EDAR: variants seen among roughly 807,000 people sequenced by gnomAD.
EDAR encodes tumor necrosis factor receptor superfamily member EDAR.
Under a neutral mutation model 51.3 loss-of-function variants are expected in EDAR, and 38 were observed. The observed-to-expected ratio is 0.74, with a 90% CI of 0.57 to 0.97. The LOEUF (loss-of-function observed/expected upper bound fraction) is 0.97. Among genes scored for constraint, EDAR ranks in the 50% least tolerant of loss-of-function variants. The pLI, the probability that EDAR is intolerant of heterozygous loss-of-function variation, is 0.00. For synonymous variants in EDAR, 227 were observed against 242.1 expected (o/e 0.94, Z 0.58); for missense variants, 528 against 595.0 (o/e 0.89, Z 1.17).
At chr2:108,920,296 C>T (rs1697111308) in intron 5 of EDAR, among the ~76,000 whole-genome samples, 1 of 152,226 alleles carries the variant, frequency 6.6e-6, no homozygotes, top group East Asian at 1.9e-4. Context: ...CAGATGAGGA[C>T]ACTTTCCCAG....
At chr2:108,942,864 C>T (rs1267592181) in intron 1 of EDAR, among the ~76,000 whole-genome samples, 1 of 152,174 alleles carries the variant, frequency 6.6e-6, no homozygotes, top group African/African-American at 2.4e-5. Context: ...TAAGTTTGAG[C>T]GGGTAGGATT....
At chr2:108,943,171 G>T (rs1481913108) in intron 1 of EDAR, among the ~76,000 whole-genome samples, 2 of 152,132 alleles carry the variant, frequency 1.3e-5, no homozygotes, top group African/African-American at 2.4e-5. Flanking sequence ...GTTTGAAAGA[G>T]AATTCGTTTC....
chr2:108,931,094 C>A, intron 1 of EDAR, 62 bp from the exon 2 acceptor site: 1 of 1,414,448 alleles, frequency 7.1e-7, no homozygotes, highest in Non-Finnish European at 1.0e-6. Context: ...GGTCTGGCTA[C>A]CTTTATTTAA....
intron 1 of EDAR, among the ~76,000 whole-genome samples, chr2:108,968,216 C>T (rs145956890): frequency 7.4e-4 from 112 of 152,224 alleles, no homozygotes; most frequent in Non-Finnish European, 1.3e-3. Context: ...GCATCAGCAT[C>T]GCCAGAGAGC....
chr2:108,962,456 G>A (rs796071606), intron 1 of EDAR, among the ~76,000 whole-genome samples: 6 of 152,144 alleles, frequency 3.9e-5, no homozygotes, highest in African/African-American at 1.4e-4. Context: ...GGTGGATCAT[G>A]AGGTCAGGAG....
chr2:108,930,938 G>C, intron 2 of EDAR, 26 bp downstream of exon 2: 11 of 1,613,262 alleles, frequency 6.8e-6, no homozygotes, highest in Non-Finnish European at 9.3e-6. Context: ...AGGGTGCTGT[G>C]GGGGTAAGGG....
chr2:108,982,486 A>G (rs912447287), intron 1 of EDAR, among the ~76,000 whole-genome samples: 7 of 152,258 alleles, frequency 4.6e-5, no homozygotes, highest in Admixed American at 3.3e-4. Flanking sequence ...TGTAAACATA[A>G]GGAGGAGCTC....
chr2:108,947,422 C>T (rs900003273), intron 1 of EDAR, among the ~76,000 whole-genome samples: 8 of 152,154 alleles, frequency 5.3e-5, no homozygotes, highest in African/African-American at 1.7e-4. Flanking sequence ...TAGGCAGTGC[C>T]CCAGTGGGGA....
At chr2:108,956,448 T>C (rs1697927866) in intron 1 of EDAR, among the ~76,000 whole-genome samples, 1 of 152,210 alleles carries the variant, frequency 6.6e-6, no homozygotes, top group South Asian at 2.1e-4. Flanking sequence ...CTCCATGTCC[T>C]CCACTAGCAC....
chr2:108,925,395 G>A (rs963896343), intron 4 of EDAR, among the ~76,000 whole-genome samples: 1 of 152,194 alleles, frequency 6.6e-6, no homozygotes, highest in Non-Finnish European at 1.5e-5. Flanking sequence ...AAGGCTACAC[G>A]GCGGATGCAC....
chr2:108,913,083 G>C (rs578262400), intron 5 of EDAR, among the ~76,000 whole-genome samples: 1 of 151,638 alleles, frequency 6.6e-6, no homozygotes, highest in African/African-American at 2.4e-5. Flanking sequence ...CAAGTAACTG[G>C]GACTACAGGC....
intron 1 of EDAR, among the ~76,000 whole-genome samples, chr2:108,944,455 C>T (rs1165865227): frequency 6.6e-6 from 1 of 152,234 alleles, no homozygotes; most frequent in Non-Finnish European, 1.5e-5. Flanking sequence ...AATAGTTTGA[C>T]TATGGCTGCG....
At chr2:108,935,039 G>A (rs1345829458) in intron 1 of EDAR, among the ~76,000 whole-genome samples, 1 of 152,188 alleles carries the variant, frequency 6.6e-6, no homozygotes, top group African/African-American at 2.4e-5. Flanking sequence ...TCACCTGTTG[G>A]TTACCTAGTG....
At chr2:108,939,916 T>C (rs865882013) in intron 1 of EDAR, among the ~76,000 whole-genome samples, 5 of 152,200 alleles carry the variant, frequency 3.3e-5, no homozygotes, top group African/African-American at 7.2e-5. Context: ...AAAGTATTTG[T>C]GGTGTGATGG....
chr2:108,895,194 G>C lies in EDAR; in HGVS notation c.*1713C>G, dbSNP rs1307431830. The stretch of plus-strand genomic sequence containing the variant: ...TATTAAATATTCAGGACCTCATTAT[G>C]ATCCTCTCACAGTATGTACTACATT... On this transcript the variant is annotated 3_prime_UTR_variant, in exon 12 of 12. Transcript: ENST00000258443. 6.6e-6 allele frequency: 1 copy of C among 152,618 alleles called. No homozygotes were observed. Among genetic ancestry groups the C allele is most frequent in the East Asian group, 1.9e-4 (1 of 5,190 alleles). 9.5% of individuals were successfully genotyped at this position (152,618 alleles called of 1,614,324 possible).
chr2:108,944,040 G>A (rs1697664957), intron 1 of EDAR, among the ~76,000 whole-genome samples: 1 of 152,236 alleles, frequency 6.6e-6, no homozygotes, highest in Non-Finnish European at 1.5e-5. Context: ...TCTCAGGAAT[G>A]TACACAGGCA....
chr2:108,949,957 G>A lies in EDAR; in HGVS notation c.-18-18925C>T, dbSNP rs909510480. 7.2e-5 allele frequency among the ~76,000 whole-genome samples: 11 copies of A among 152,336 alleles called. No individual in the cohort carries two copies. In the East Asian group the frequency reaches 2.1e-3, roughly 29 times the overall value. ...TCCTGAGGTTTTTGAAATAACAAAT[G>A]TATATGGGAGTAGGGGGAACTGTGG... is the stretch of plus-strand genomic sequence containing the variant. On this transcript the variant is annotated intron_variant, in intron 1 of 11. Transcript: ENST00000258443.
rs142235836 is a variant in EDAR at position 108,984,733 on chromosome 2, C to T, written c.-19+4227G>A. On this transcript the variant is annotated intron_variant, in intron 1 of 11. Transcript: ENST00000258443. ...TGGATTTATGCATTATAGCTTCTCT[C>T]CCTGCAGCAGAATCTAAGCTCTGTG... Among the ~76,000 whole-genome samples, 12 of 152,156 alleles carry T rather than the reference C, an allele frequency of 7.9e-5. No individual in the cohort carries two copies. The East Asian group carries it at 1.9e-3, about 24-fold the overall frequency.
intron 1 of EDAR, among the ~76,000 whole-genome samples, chr2:108,973,079 C>G (rs1234106219): frequency 6.6e-6 from 1 of 152,162 alleles, no homozygotes. Flanking sequence ...CTCTGCCTCC[C>G]AGGTTCAAGC....
Sources: allele counts gnomAD v4.1 joint callset (sites outside exome capture counted in the v4.1 genomes callset), GRCh38; gene constraint gnomAD v4.1.1; transcripts MANE v1.5; gene names NCBI Gene and HGNC (gene_info 2026-07-23, HGNC 2026-07-21).